TMEM163: variants seen among roughly 807,000 people sequenced by gnomAD.
TMEM163 encodes the protein transmembrane protein 163.
Under a neutral mutation model 29.3 loss-of-function variants are expected in TMEM163, and 17 were observed. The ratio of observed to expected loss-of-function variants is 0.58; its 90% CI spans 0.40 to 0.87. The LOEUF (loss-of-function observed/expected upper bound fraction) is 0.87. Among genes scored for constraint, TMEM163 ranks in the 40% least tolerant of loss-of-function variants. The pLI is 0.00. For missense variants in TMEM163, 303 were observed against 381.5 expected (o/e 0.79, Z 1.71); for synonymous variants, 157 against 160.6 (o/e 0.98, Z 0.17).
chr2:134,570,173 C>A (rs1317051936), intron 2 of TMEM163, among the ~76,000 whole-genome samples: 2 of 151,964 alleles, frequency 1.3e-5, no homozygotes, highest in African/African-American at 4.8e-5. Context: ...AAAAAAAAAT[C>A]ACATGCTGAT....
chr2:134,499,065 T>TA (rs1279435241), intron 5 of TMEM163, among the ~76,000 whole-genome samples: 7 of 152,008 alleles, frequency 4.6e-5, no homozygotes, highest in Non-Finnish European at 7.4e-5. Flanking sequence ...GCTGGTGGGG[T>TA]AAAAACGGGG....
chr2:134,474,072 A>C (rs1280432294), intron 5 of TMEM163, among the ~76,000 whole-genome samples: 1 of 152,224 alleles, frequency 6.6e-6, no homozygotes. Context: ...AAAACTACAG[A>C]CCAATAGCTC....
At chr2:134,490,026 C>CCACCCCAAACT (rs1280576510) in intron 5 of TMEM163, among the ~76,000 whole-genome samples, 1 of 152,200 alleles carries the variant, frequency 6.6e-6, no homozygotes, top group Non-Finnish European at 1.5e-5. Context: ...TATTGAGTTC[C>CCACCCCAAACT]CACCCCATGC....
intron 2 of TMEM163, among the ~76,000 whole-genome samples, chr2:134,690,875 A>G (rs899353615): frequency 3.9e-5 from 6 of 152,226 alleles, no homozygotes; most frequent in Non-Finnish European, 8.8e-5. Context: ...CTACTAAAGT[A>G]AAGACAGGGC....
intron 2 of TMEM163, among the ~76,000 whole-genome samples, chr2:134,662,503 T>C (rs1483370561): frequency 1.3e-5 from 2 of 152,174 alleles, no homozygotes; most frequent in Non-Finnish European, 2.9e-5. Context: ...GTTCTTAAGA[T>C]AATTATTCAT....
At chr2:134,507,206 T>TA (rs1477070004) in intron 4 of TMEM163, among the ~76,000 whole-genome samples, 1 of 151,952 alleles carries the variant, frequency 6.6e-6, no homozygotes, top group Non-Finnish European at 1.5e-5. Flanking sequence ...CATGGTGGTG[T>TA]ATGCCTGTAA....
chr2:134,491,316 C>T (rs1679424720), intron 5 of TMEM163, among the ~76,000 whole-genome samples: 1 of 152,170 alleles, frequency 6.6e-6, no homozygotes, highest in Non-Finnish European at 1.5e-5. Context: ...CTTTCCCTAA[C>T]CCAGCACCCC....
At chr2:134,610,295 G>T (rs187518084) in intron 2 of TMEM163, among the ~76,000 whole-genome samples, 67 of 152,330 alleles carry the variant, frequency 4.4e-4, no homozygotes, top group African/African-American at 1.6e-3. Flanking sequence ...GCCACTTGCA[G>T]CCTGTGCCCT....
chr2:134,512,532 A>C (rs1333088794), intron 4 of TMEM163, among the ~76,000 whole-genome samples: 1 of 152,232 alleles, frequency 6.6e-6, no homozygotes, highest in Admixed American at 6.5e-5. Context: ...AACTTGATAA[A>C]GAGGAGTGAA....
chr2:134,623,999 A>C (rs1682794009), intron 2 of TMEM163, among the ~76,000 whole-genome samples: 1 of 152,168 alleles, frequency 6.6e-6, no homozygotes, highest in South Asian at 2.1e-4. Context: ...AGCCACAGAA[A>C]CCTTCCGCCC....
At chr2:134,492,513 C>T (rs2106482939) in intron 5 of TMEM163, among the ~76,000 whole-genome samples, 1 of 152,326 alleles carries the variant, frequency 6.6e-6, no homozygotes, top group South Asian at 2.1e-4. Context: ...ATTCCTCCCT[C>T]CCTCCACCTC....
chr2:134,674,486 GGC>G (rs752979552), intron 2 of TMEM163, among the ~76,000 whole-genome samples: 11,252 of 91,202 alleles, frequency 0.12, 500 homozygotes, highest in African/African-American at 0.18. Context: ...TGGGACTACA[GGC>G]GCGCGCGCGC....
chr2:134,554,422 CAAAAAAAAAA>C (rs941286100), intron 2 of TMEM163, among the ~76,000 whole-genome samples: 26 of 21,148 alleles, frequency 1.2e-3, no homozygotes, highest in Admixed American at 6.8e-3. Flanking sequence ...GACCCCATCT[CAAAAAAAAAA>C]AAAAAAAAAA....
chr2:134,620,269 T>C (rs1256245123), intron 2 of TMEM163, among the ~76,000 whole-genome samples: 3 of 152,232 alleles, frequency 2.0e-5, no homozygotes, highest in East Asian at 1.9e-4. Flanking sequence ...TTTTTTTTTT[T>C]TTTTAAGATG....
intron 2 of TMEM163, among the ~76,000 whole-genome samples, chr2:134,603,020 C>T (rs1247015818): frequency 2.0e-5 from 3 of 152,140 alleles, no homozygotes; most frequent in Admixed American, 6.5e-5. Flanking sequence ...GTATGTCCAA[C>T]ACAGGACTGA....
chr2:134,476,075 T>C (rs1462224880), intron 5 of TMEM163, among the ~76,000 whole-genome samples: 1 of 152,148 alleles, frequency 6.6e-6, no homozygotes, highest in Non-Finnish European at 1.5e-5. Flanking sequence ...ATAACCTAAA[T>C]GTCCAACTAC....
Position 134,456,753 on chromosome 2 carries a change from C to G in TMEM163, c.833G>C (p.Arg278Thr). Residue 278 changes from arginine (R) to threonine (T), a missense_variant, in exon 8 of 8, where the codon AGG (arginine) becomes ACG (threonine). Arg to Thr is a moderately conservative substitution (Grantham distance 71). Coordinates refer to ENST00000281924, the MANE Select transcript of TMEM163 (RefSeq NM_030923.5). ...GVKLLIDMVP[R>T]VRQTRHYEMF... ...CTCGTAGTGACGTGTCTGCCTCACC[C>G]TCGGCACCATGTCGATGAGGAGTCT... 1 of 1,613,860 alleles carries G rather than the reference C, an allele frequency of 6.2e-7. No individual in the cohort carries two copies. Among genetic ancestry groups the G allele is most frequent in the Non-Finnish European group, 8.5e-7 (1 of 1,179,994 alleles).
chr2:134,647,989 G>A (rs1683373314), intron 2 of TMEM163, among the ~76,000 whole-genome samples: 1 of 152,236 alleles, frequency 6.6e-6, no homozygotes. Flanking sequence ...GATGGCTTAA[G>A]TGTTAACAGC....
rs1482135127 is a variant in TMEM163 at position 134,656,099 on chromosome 2, T to G, written c.322+57101A>C. Among the ~76,000 whole-genome samples, 3 of 143,692 alleles carry G rather than the reference T, an allele frequency of 2.1e-5. 1 individual carries two copies. The highest frequency in any genetic ancestry group is 4.5e-5 in the Non-Finnish European group (3 of 67,100). The allele number at this position is 143,692 out of a possible 152,430, so 94.3% of individuals were successfully genotyped here. ...ACCCAGTTCGAGCTTCCTGGCTGCT[T>G]TGTTTACCTAAGCAAGCCTGGGCAA... On this transcript the variant is annotated intron_variant, in intron 2 of 7. Transcript: ENST00000281924.
Sources: gnomAD v4.1 joint callset for allele counts (sites outside exome capture counted in the v4.1 genomes callset) on GRCh38, gnomAD v4.1.1 for gene constraint, MANE v1.5 for transcripts, NCBI Gene and HGNC (gene_info 2026-07-23, HGNC 2026-07-21) for gene names.